Variants in CCDC158 observed in about 807,000 individuals in gnomAD.
The protein encoded by CCDC158 is coiled-coil domain-containing protein 158.
In CCDC158, 116 loss-of-function variants were observed where a neutral mutation model predicts 138.6. The ratio of observed to expected loss-of-function variants is 0.84; its 90% CI spans 0.72 to 0.98. The LOEUF (loss-of-function observed/expected upper bound fraction) is 0.98, where lower values mean the gene tolerates loss of function less well. CCDC158 is among the 50% of genes least tolerant of loss of function. CCDC158 has a pLI of 0.00. For missense variants in CCDC158, 1,265 were observed against 1,306.1 expected (o/e 0.97, Z 0.48); for synonymous variants, 436 against 442.4 (o/e 0.99, Z 0.18).
At position 76,400,426 on chromosome 4, in the gene CCDC158, G is replaced by A. The variant is rs1728252416; in HGVS notation, c.70+2712C>T. On this transcript the variant is annotated intron_variant, in intron 3 of 24. Transcript: ENST00000682701. ...TTGTGGGGTGGGGGGAGGGGGGAGT[G>A]ATAGCATTAGGAGATATACCTAATG... 4.7e-5 allele frequency among the ~76,000 whole-genome samples: 7 copies of A among 148,944 alleles called. No individual in the cohort carries two copies. The South Asian group carries it at 1.5e-3, about 32-fold the overall frequency.
intron 4 of CCDC158, among the ~76,000 whole-genome samples, chr4:76,386,081 G>C (rs983733817): frequency 2.0e-5 from 3 of 152,136 alleles, no homozygotes; most frequent in Non-Finnish European, 4.4e-5. Context: ...TCTTTCTTAA[G>C]AATTTAACAA....
At chr4:76,351,157 C>A in intron 17 of CCDC158, 36 bp from the exon 18 acceptor site, 1 of 1,567,400 alleles carries the variant, frequency 6.4e-7, no homozygotes, top group East Asian at 2.3e-5. Context: ...AAATAACTGC[C>A]AGCCTACAAT....
chr4:76,316,900 CAA>C (rs77150446), intron 24 of CCDC158, among the ~76,000 whole-genome samples: 295 of 62,606 alleles, frequency 4.7e-3, no homozygotes, highest in African/African-American at 0.016. Context: ...CTTTTGCAGA[CAA>C]AAAAAAAAAA....
chr4:76,362,184 C>G lies in CCDC158; in HGVS notation c.1962G>C (p.Glu654Asp). 6.2e-7 allele frequency: 1 copy of G among 1,614,076 alleles called. No homozygotes were observed. Among genetic ancestry groups the G allele is most frequent in the Non-Finnish European group, 8.5e-7 (1 of 1,180,012 alleles). Residue 654 changes from glutamate (E) to aspartate (D), a missense_variant, in exon 13 of 25, where the codon GAG (glutamate) becomes GAC (aspartate). Glu to Asp is a conservative substitution (Grantham distance 45). Transcript: ENST00000682701. Reference sequence around the variant, plus strand: ...TCACCTCATTTAATAATTGATCTCTCTCTTGTTTGATGTCCTTCACTGCAC... The same window carrying G: ...TCACCTCATTTAATAATTGATCTCTGTCTTGTTTGATGTCCTTCACTGCAC... ...RLRAVKDIKQ[E>D]RDQLLNEVKT... is the part of the protein sequence containing the mutation.
At chr4:76,322,027 GA>G (rs1341628704) in intron 24 of CCDC158, among the ~76,000 whole-genome samples, 1 of 151,424 alleles carries the variant, frequency 6.6e-6, no homozygotes, top group Non-Finnish European at 1.5e-5. Flanking sequence ...GTGGGTGAGG[GA>G]AAAAAGATAC....
chr4:76,365,861 C>T (rs953949852), intron 12 of CCDC158, among the ~76,000 whole-genome samples: 2 of 152,160 alleles, frequency 1.3e-5, no homozygotes, highest in Admixed American at 6.5e-5. Context: ...GCCCTCCAGG[C>T]GATTCCGGTT....
At chr4:76,405,494 A>G (rs1399469785) in intron 2 of CCDC158, among the ~76,000 whole-genome samples, 1 of 152,158 alleles carries the variant, frequency 6.6e-6, no homozygotes, top group East Asian at 1.9e-4. Flanking sequence ...GTAAATTTGG[A>G]AAAAAAGGAT....
chr4:76,313,275 A>G (rs760011193), intron 24 of CCDC158, 29 bp from the exon 25 acceptor site: 5 of 1,393,482 alleles, frequency 3.6e-6, no homozygotes, highest in Admixed American at 1.8e-5. Flanking sequence ...CAGTTAGAAT[A>G]ACAAAATCTA....
intron 20 of CCDC158, among the ~76,000 whole-genome samples, chr4:76,331,820 T>C (rs751884202): frequency 6.6e-6 from 1 of 152,170 alleles, no homozygotes; most frequent in Non-Finnish European, 1.5e-5. Flanking sequence ...CTTAATGCAG[T>C]AGGCAGTGAG....
chr4:76,354,233 C>CAAAA (rs749565764), intron 15 of CCDC158, among the ~76,000 whole-genome samples: 18 of 63,926 alleles, frequency 2.8e-4, no homozygotes, highest in African/African-American at 3.6e-4. Flanking sequence ...TTCCCAAAGG[C>CAAAA]AAAAAAAAAA....
At chr4:76,346,431 G>A (rs755325019) in intron 18 of CCDC158, among the ~76,000 whole-genome samples, 6 of 152,178 alleles carry the variant, frequency 3.9e-5, no homozygotes, top group Non-Finnish European at 5.9e-5. Context: ...AAATAAACTA[G>A]GCTGATGCAG....
chr4:76,384,743 T>C, intron 4 of CCDC158, 78 bp from the exon 5 acceptor site: 1 of 943,572 alleles, frequency 1.1e-6, no homozygotes, highest in Non-Finnish European at 1.7e-6. Flanking sequence ...CAAAGATCTA[T>C]ATATATTTTC....
chr4:76,385,433 G>A (rs923717106), intron 4 of CCDC158, among the ~76,000 whole-genome samples: 3 of 152,166 alleles, frequency 2.0e-5, no homozygotes, highest in African/African-American at 4.8e-5. Flanking sequence ...AAATTCAAGA[G>A]ACATTATCAG....
Position 76,421,081 on chromosome 4 carries a change from C to G in CCDC158, c.-233G>C, listed in dbSNP as rs574980515. Reference sequence around the variant, plus strand: ...GGACGGGGCGGCTCCCCACTCTTCGCCCCTAGGCCCCGCGGAGGCTGCGGG... The same window carrying G: ...GGACGGGGCGGCTCCCCACTCTTCGGCCCTAGGCCCCGCGGAGGCTGCGGG... On this transcript the variant is annotated 5_prime_UTR_variant, in exon 1 of 25. Coordinates refer to ENST00000682701, the MANE Select transcript of CCDC158 (RefSeq NM_001394954.1). Among the ~76,000 whole-genome samples, 295 of 152,122 alleles carry G rather than the reference C, an allele frequency of 1.9e-3. 1 individual carries two copies. The highest frequency in any genetic ancestry group is 6.7e-3 in the African/African-American group (280 of 41,550).
chr4:76,400,170 A>G (rs1383998231), intron 3 of CCDC158, among the ~76,000 whole-genome samples: 2 of 152,124 alleles, frequency 1.3e-5, no homozygotes, highest in East Asian at 3.9e-4. Context: ...TCCATCAATG[A>G]CAGACTGGAT....
At chr4:76,347,237 T>C (rs534945484) in intron 18 of CCDC158, among the ~76,000 whole-genome samples, 3 of 152,182 alleles carry the variant, frequency 2.0e-5, no homozygotes, top group South Asian at 2.1e-4. Context: ...TGTATGTTTA[T>C]TGCGGCACTA....
intron 18 of CCDC158, among the ~76,000 whole-genome samples, chr4:76,337,779 A>G (rs1721660365): frequency 6.6e-6 from 1 of 152,126 alleles, no homozygotes. Flanking sequence ...GTTCTAAAAT[A>G]TAGTTTCATA....
chr4:76,355,417 C>G lies in CCDC158; in HGVS notation c.2193G>C (p.Gly731=). 5 of 1,612,760 alleles carry G rather than the reference C, an allele frequency of 3.1e-6. No individual in the cohort carries two copies. The highest frequency in any genetic ancestry group is 4.2e-6 in the Non-Finnish European group (5 of 1,179,170). Residue 731 remains glycine (G), a synonymous_variant, in exon 15 of 25, where the codon GGG becomes GGC. Transcript: ENST00000682701. ...SDGHAMKVAM[G]MQKQITAKRG... ...TTTTGGCTGTGATTTGCTTTTGCAT[C>G]CCCATTGCCACTTTCATAGCTGGAA...
chr4:76,393,260 G>C (rs543279123), intron 4 of CCDC158, among the ~76,000 whole-genome samples: 70 of 152,136 alleles, frequency 4.6e-4, no homozygotes, highest in African/African-American at 1.6e-3. Context: ...AACCAGAACA[G>C]CATGGTACTG....
Sources: allele counts gnomAD v4.1 joint callset (sites outside exome capture counted in the v4.1 genomes callset), GRCh38; gene constraint gnomAD v4.1.1; transcripts MANE v1.5; gene names NCBI Gene and HGNC (gene_info 2026-07-23, HGNC 2026-07-21).